The following UNC79 variants were observed in gnomAD, a reference collection of about 807,000 sequenced individuals.
UNC79 encodes the protein unc-79 subunit of NALCN channel complex.
UNC79 carries 37 observed loss-of-function variants against 283.1 expected under a neutral mutation model. The observed-to-expected ratio is 0.13, with a 90% CI of 0.10 to 0.17. The LOEUF (loss-of-function observed/expected upper bound fraction) is 0.17. Ranked by LOEUF, UNC79 falls within the 10% of genes least tolerant of loss-of-function variation. The pLI is 1.00. For missense variants in UNC79, 2,272 were observed against 3,211.1 expected (o/e 0.71, Z 7.07); for synonymous variants, 1,107 against 1,200.2 (o/e 0.92, Z 1.61).
At chr14:93,347,660 T>C (rs1205158489) in intron 1 of UNC79, among the ~76,000 whole-genome samples, 1 of 151,944 alleles carries the variant, frequency 6.6e-6, no homozygotes, top group African/African-American at 2.4e-5. Flanking sequence ...CCTCCTTCGT[T>C]GTTACCCTTT....
At chr14:93,463,642 A>G (rs1365520218) in intron 1 of UNC79, among the ~76,000 whole-genome samples, 3 of 152,164 alleles carry the variant, frequency 2.0e-5, no homozygotes, top group Non-Finnish European at 4.4e-5. Context: ...TTTGACATCT[A>G]CTATTTAATA....
intron 1 of UNC79, among the ~76,000 whole-genome samples, chr14:93,431,776 G>A (rs556437785): frequency 2.6e-5 from 4 of 152,174 alleles, no homozygotes; most frequent in African/African-American, 9.7e-5. Context: ...GACTGTGTGC[G>A]TGGTTGGAAG....
At chr14:93,707,187 A>T (rs574278125), downstream of UNC79, 4 of 339,836 alleles carry the variant, frequency 1.2e-5, no homozygotes, top group African/African-American at 6.2e-5. Flanking sequence ...AAGAAAAAAA[A>T]ATAGACTGGT....
chr14:93,348,141 G>C, intron 1 of UNC79: 1 of 1,454,960 alleles, frequency 6.9e-7, no homozygotes. Context: ...ATGTTGAACA[G>C]CTGTTAACGT....
intron 29 of UNC79, 75 bp downstream of exon 30, chr14:93,618,429 A>G: frequency 7.2e-7 from 1 of 1,382,452 alleles, no homozygotes; most frequent in Non-Finnish European, 9.4e-7. Context: ...CTTAGGAGAT[A>G]GAAGAGTGTT....
chr14:93,376,684 T>C (rs1196892439), intron 1 of UNC79, among the ~76,000 whole-genome samples: 2 of 152,084 alleles, frequency 1.3e-5, no homozygotes, highest in African/African-American at 4.8e-5. Context: ...AATCATCTGG[T>C]TGGCTCCAGC....
chr14:93,588,740 CAAAAAAAAA>C (rs397745981), intron 22 of UNC79, among the ~76,000 whole-genome samples: 6 of 17,758 alleles, frequency 3.4e-4, no homozygotes, highest in Admixed American at 1.4e-3. Flanking sequence ...GACTCCGTCT[CAAAAAAAAA>C]AAAAAAAAAA....
intron 14 of UNC79, among the ~76,000 whole-genome samples, chr14:93,543,622 C>T (rs1017077503): frequency 3.3e-5 from 5 of 152,134 alleles, no homozygotes; most frequent in African/African-American, 1.2e-4. Context: ...CTGCCTCAGC[C>T]TCCCAAAGTG....
chr14:93,389,018 C>T (rs1457878692), intron 1 of UNC79, among the ~76,000 whole-genome samples: 2 of 152,100 alleles, frequency 1.3e-5, no homozygotes, highest in Non-Finnish European at 2.9e-5. Flanking sequence ...ACTTTTTATC[C>T]TTGTATCATG....
chr14:93,543,821 G>A (rs1367098763), intron 14 of UNC79, among the ~76,000 whole-genome samples: 1 of 152,132 alleles, frequency 6.6e-6, no homozygotes. Flanking sequence ...AAGAGATCTT[G>A]AGGCAGTTTT....
intron 37 of UNC79, among the ~76,000 whole-genome samples, chr14:93,654,253 G>T (rs1596252545): frequency 6.6e-6 from 1 of 152,302 alleles, no homozygotes; most frequent in Non-Finnish European, 1.5e-5. Context: ...CACTTTGGGA[G>T]ACTGAGGCAG....
intron 24 of UNC79, 40 bp downstream of exon 24, chr14:93,597,580 G>T: frequency 6.3e-7 from 1 of 1,583,144 alleles, no homozygotes. Context: ...AAGGTGGTTT[G>T]TGTCAGCACT....
intron 5 of UNC79, among the ~76,000 whole-genome samples, chr14:93,495,412 G>A (rs542817789): frequency 1.3e-5 from 2 of 152,208 alleles, no homozygotes; most frequent in Non-Finnish European, 2.9e-5. Flanking sequence ...GGGGCAAACT[G>A]CCCCCACGAT....
intron 39 of UNC79, among the ~76,000 whole-genome samples, chr14:93,660,553 A>G (rs968793988): frequency 2.8e-5 from 3 of 105,406 alleles, no homozygotes; most frequent in African/African-American, 1.3e-4. Context: ...ATATATATAT[A>G]TATATATATA....
intron 14 of UNC79, among the ~76,000 whole-genome samples, chr14:93,563,903 G>A (rs935451011): frequency 6.6e-6 from 1 of 152,032 alleles, no homozygotes; most frequent in African/African-American, 2.4e-5. Context: ...CAGGTGTGAG[G>A]AAGAAAATGA....
At chr14:93,683,245 G>A (rs2140846690) in intron 42 of UNC79, among the ~76,000 whole-genome samples, 1 of 152,210 alleles carries the variant, frequency 6.6e-6, no homozygotes, top group Non-Finnish European at 1.5e-5. Flanking sequence ...GTTTAAATGG[G>A]TATCCTGATT....
chr14:93,425,226 A>G (rs1027192466), intron 1 of UNC79, among the ~76,000 whole-genome samples: 2 of 152,166 alleles, frequency 1.3e-5, no homozygotes, highest in Non-Finnish European at 2.9e-5. Flanking sequence ...AGTGCTGAGC[A>G]AAAGGGGGAA....
In UNC79 at chr14:93,621,876, C is replaced by A; in HGVS notation, c.4643C>A (p.Ser1548Tyr). 1 of 1,614,068 alleles carries A rather than the reference C, an allele frequency of 6.2e-7. No homozygotes were observed. Among genetic ancestry groups the A allele is most frequent in the Non-Finnish European group, 8.5e-7 (1 of 1,180,014 alleles). ...CAAAGACCAAACGACCCTGGACGTT[C>A]TAGACAGAACTCTGCTACGAGGCCT... Residue 1548 changes from serine (S) to tyrosine (Y), a missense_variant, in exon 30 of 49, where the codon TCT becomes TAT. This residue lies in a region of UNC79 where 580 missense variants were observed against 632.2 expected (regional missense o/e 0.92). Coordinates refer to ENST00000555664, the Ensembl canonical transcript of UNC79. This position sits in a 1 kb window ranked among gnomAD's most constrained non-coding sequence, Gnocchi z 4.8.
chr14:93,404,493 A>AAAAAAAAAAAAAAAATATATATATATAT, intron 1 of UNC79, among the ~76,000 whole-genome samples: 23 of 61,486 alleles, frequency 3.7e-4, no homozygotes, highest in Non-Finnish European at 5.5e-4. Flanking sequence ...TTCTAAAAAA[A>AAAAAAAAAAAAAAAATATATATATATAT]ATATATATAT....
Sources: gnomAD v4.1 joint callset for allele counts (sites outside exome capture counted in the v4.1 genomes callset) on GRCh38, gnomAD v4.1.1 for gene constraint, gnomAD v4.1.1 regional missense constraint, Gnocchi (gnomAD v3.1) non-coding constraint, MANE v1.5 for transcripts, NCBI Gene and HGNC (gene_info 2026-07-23, HGNC 2026-07-21) for gene names.